PHLPP1: variants seen among roughly 807,000 people sequenced by gnomAD.
PHLPP1 encodes PH domain and leucine rich repeat protein phosphatase 1.
A neutral mutation model predicts 117.2 loss-of-function variants in PHLPP1; 42 were observed. The ratio of observed to expected loss-of-function variants is 0.36; its 90% CI spans 0.28 to 0.46. The LOEUF (loss-of-function observed/expected upper bound fraction) is 0.46. Among genes scored for constraint, PHLPP1 ranks in the 20% least tolerant of loss-of-function variants. The pLI is 1.00. For missense variants in PHLPP1, 2,084 were observed against 2,241.9 expected (o/e 0.93, Z 1.42); for synonymous variants, 1,042 against 970.7 (o/e 1.07, Z -1.37).
intron 10 of PHLPP1, among the ~76,000 whole-genome samples, chr18:62,938,994 C>CTTTTT (rs1555683300): frequency 6.2e-5 from 8 of 128,674 alleles, no homozygotes; most frequent in Non-Finnish European, 7.9e-5. Flanking sequence ...TTCTTTCTTT[C>CTTTTT]TTTTTTTTTT....
At chr18:62,888,764 T>G (rs1450635659) in intron 4 of PHLPP1, among the ~76,000 whole-genome samples, 1 of 152,192 alleles carries the variant, frequency 6.6e-6, no homozygotes, top group East Asian at 1.9e-4. Context: ...GAAAGTCTTA[T>G]ATTTTATTAC....
At chr18:62,921,731 A>G (rs1909476355) in intron 10 of PHLPP1, among the ~76,000 whole-genome samples, 1 of 152,204 alleles carries the variant, frequency 6.6e-6, no homozygotes, top group South Asian at 2.1e-4. Context: ...TTTTCCATAA[A>G]TCTTTAATAA....
intron 1 of PHLPP1, among the ~76,000 whole-genome samples, chr18:62,736,176 C>T (rs1192889462): frequency 6.6e-6 from 1 of 152,092 alleles, no homozygotes; most frequent in East Asian, 1.9e-4. Flanking sequence ...TTGTGTTGAG[C>T]CTTGGCCCCT....
chr18:62,754,953 CCT>C (rs1209252200), intron 1 of PHLPP1, among the ~76,000 whole-genome samples: 1 of 151,952 alleles, frequency 6.6e-6, no homozygotes, highest in Non-Finnish European at 1.5e-5. Context: ...ATAGCAATAC[CCT>C]GTCTCTGAAA....
At chr18:62,823,589 A>G (rs1319225255) in intron 1 of PHLPP1, among the ~76,000 whole-genome samples, 4 of 149,682 alleles carry the variant, frequency 2.7e-5, no homozygotes, top group African/African-American at 4.9e-5. Context: ...ATATCTACAT[A>G]TATTATATAT....
At chr18:62,889,904 T>A (rs1916366486) in intron 4 of PHLPP1, among the ~76,000 whole-genome samples, 2 of 152,252 alleles carry the variant, frequency 1.3e-5, no homozygotes. Flanking sequence ...TGAAATCTAC[T>A]CTATATTTTG....
chr18:62,807,679 C>T (rs763316888), intron 1 of PHLPP1, among the ~76,000 whole-genome samples: 10 of 152,202 alleles, frequency 6.6e-5, no homozygotes, highest in East Asian at 1.9e-4. Context: ...ACCTGTGCAG[C>T]GTGTTACTGT....
chr18:62,953,012 A>C (rs1910507851), intron 12 of PHLPP1, among the ~76,000 whole-genome samples: 1 of 152,236 alleles, frequency 6.6e-6, no homozygotes. Flanking sequence ...TGACTCATTC[A>C]GTTAATAAAC....
At chr18:62,797,378 A>G (rs1202401539) in intron 1 of PHLPP1, among the ~76,000 whole-genome samples, 1 of 152,196 alleles carries the variant, frequency 6.6e-6, no homozygotes, top group Non-Finnish European at 1.5e-5. Flanking sequence ...CCCATGGACA[A>G]TGCTCTGTGT....
chr18:62,716,416 G>C lies in PHLPP1; in HGVS notation c.733G>C (p.Val245Leu). Residue 245 changes from valine (V) to leucine (L), a missense_variant, in exon 1 of 17, where the codon GTG becomes CTG. Coordinates refer to ENST00000262719, the MANE Select transcript of PHLPP1 (RefSeq NM_194449.4). The surrounding 1 kb of genome is among the most constrained non-coding windows in gnomAD (Gnocchi z 5.7). ...LQLGHKGGGV[V>L]KVLGQGPGAA... ...GCTGGGCCACAAAGGCGGCGGCGTG[G>C]TGAAGGTGCTGGGCCAGGGGCCCGG... The C allele has an allele frequency of 6.8e-7, 1 of 1,472,732 alleles. No homozygotes were observed. Among genetic ancestry groups the C allele is most frequent in the Non-Finnish European group, 9.0e-7 (1 of 1,115,684 alleles). 91.2% of individuals were successfully genotyped at this position (1,472,732 alleles called of 1,614,324 possible).
intron 15 of PHLPP1, among the ~76,000 whole-genome samples, chr18:62,973,576 A>C (rs1257388291): frequency 6.6e-6 from 1 of 152,142 alleles, no homozygotes; most frequent in Non-Finnish European, 1.5e-5. Flanking sequence ...GAGGGGTAGA[A>C]GTGGTGTCTG....
intron 2 of PHLPP1, among the ~76,000 whole-genome samples, chr18:62,835,385 G>A (rs529331314): frequency 4.6e-5 from 7 of 151,994 alleles, no homozygotes; most frequent in African/African-American, 1.7e-4. Context: ...TGTATTTTTA[G>A]TAGAGACTGG....
intron 14 of PHLPP1, 45 bp from the exon 15 acceptor site, chr18:62,972,469 C>T: frequency 1.3e-6 from 2 of 1,552,322 alleles, no homozygotes; most frequent in Non-Finnish European, 1.8e-6. Context: ...GGGCCTGGAG[C>T]AGGAGGATGA....
At chr18:62,868,636 AAAAAGTTGTATCTTAAAATTGTAT>A (rs1311881360) in intron 4 of PHLPP1, among the ~76,000 whole-genome samples, 3 of 152,006 alleles carry the variant, frequency 2.0e-5, no homozygotes, top group Non-Finnish European at 4.4e-5. Context: ...AAAAAAAAAA[AAAAAGTTGTATCTTAAAATTGTAT>A]ATGTAAACAT....
At chr18:62,775,440 T>C (rs1912922827) in intron 1 of PHLPP1, among the ~76,000 whole-genome samples, 1 of 152,200 alleles carries the variant, frequency 6.6e-6, no homozygotes, top group Non-Finnish European at 1.5e-5. Flanking sequence ...TATCTTGTTC[T>C]CATCAAATCT....
chr18:62,921,743 AG>A (rs1909476709), intron 10 of PHLPP1, among the ~76,000 whole-genome samples: 1 of 152,222 alleles, frequency 6.6e-6, no homozygotes, highest in South Asian at 2.1e-4. Flanking sequence ...CTTTAATAAG[AG>A]TAAAAAAATC....
At chr18:62,822,319 T>C (rs2144323245) in intron 1 of PHLPP1, among the ~76,000 whole-genome samples, 1 of 145,006 alleles carries the variant, frequency 6.9e-6, no homozygotes, top group African/African-American at 2.5e-5. Flanking sequence ...TCTCGCTCTG[T>C]GGTCCAGGCT....
chr18:62,759,902 A>G (rs1366070203), intron 1 of PHLPP1, among the ~76,000 whole-genome samples: 1 of 152,198 alleles, frequency 6.6e-6, no homozygotes, highest in African/African-American at 2.4e-5. Context: ...GGAATGAAAT[A>G]TATAGTTAGT....
At chr18:62,948,139 A>G (rs1289027145) in intron 12 of PHLPP1, among the ~76,000 whole-genome samples, 1 of 152,110 alleles carries the variant, frequency 6.6e-6, no homozygotes, top group African/African-American at 2.4e-5. Flanking sequence ...AGCCTCACCA[A>G]TATGGTGAAA....
Sources: allele counts gnomAD v4.1 joint callset (sites outside exome capture counted in the v4.1 genomes callset), GRCh38; gene constraint gnomAD v4.1.1; non-coding constraint Gnocchi (gnomAD v3.1); transcripts MANE v1.5; gene names NCBI Gene and HGNC (gene_info 2026-07-23, HGNC 2026-07-21).